The following ARHGEF18 variants were observed in gnomAD, a reference collection of about 807,000 sequenced individuals.
The protein encoded by ARHGEF18 is Rho/Rac guanine nucleotide exchange factor 18, also known as rho guanine nucleotide exchange factor 18.
A neutral mutation model predicts 155.7 loss-of-function variants in ARHGEF18; 93 were observed. The observed-to-expected ratio is 0.60, with a 90% CI of 0.50 to 0.71. The LOEUF (loss-of-function observed/expected upper bound fraction) is 0.71, where lower values mean the gene tolerates loss of function less well. Among genes scored for constraint, ARHGEF18 ranks in the 30% least tolerant of loss-of-function variants. ARHGEF18 has a pLI of 0.00. For missense variants in ARHGEF18, 1,593 were observed against 1,816.1 expected (o/e 0.88, Z 2.23); for synonymous variants, 742 against 753.1 (o/e 0.99, Z 0.24).
chr19:7,450,348 T>G (rs150820806), intron 15 of ARHGEF18, among the ~76,000 whole-genome samples: 214 of 2,768 alleles, frequency 0.077, no homozygotes, highest in South Asian at 0.1. Flanking sequence ...TCCAAGATGT[T>G]AATGCGGGAT....
intron 10 of ARHGEF18, among the ~76,000 whole-genome samples, chr19:7,423,466 G>A (rs898032984): frequency 2.6e-5 from 4 of 152,226 alleles, no homozygotes; most frequent in South Asian, 2.1e-4. Context: ...TTGGGAGGCC[G>A]AGGCGAGCGG....
In ARHGEF18 at chr19:7,463,404, A is replaced by G. The variant is rs577604564; in HGVS notation, c.2636-414A>G. Reference sequence around the variant, plus strand: ...TTTCTGTAGACAGCCCTTCCCCACAAAGTCACTCTCCCATATGGCCATTGT... The same window carrying G: ...TTTCTGTAGACAGCCCTTCCCCACAGAGTCACTCTCCCATATGGCCATTGT... On this transcript the variant is annotated intron_variant, in intron 21 of 28. Transcript: ENST00000668164. The surrounding 1 kb of genome is among the most constrained non-coding windows in gnomAD (Gnocchi z 5.2). Among the ~76,000 whole-genome samples, 21 of 152,266 alleles carry G rather than the reference A, an allele frequency of 1.4e-4. No homozygotes were observed. Among genetic ancestry groups the G allele is most frequent in the African/African-American group, 4.6e-4 (19 of 41,544 alleles).
At chr19:7,375,515 A>AG (rs1255628441) in intron 3 of ARHGEF18, among the ~76,000 whole-genome samples, 1 of 152,188 alleles carries the variant, frequency 6.6e-6, no homozygotes, top group African/African-American at 2.4e-5. Flanking sequence ...CAACAAATCT[A>AG]ACCAGGCTGG....
rs765202457 is a variant in ARHGEF18 at position 7,458,634 on chromosome 19, G to C, written c.2304G>C (p.Thr768=). 12 of 1,614,128 alleles carry C rather than the reference G, an allele frequency of 7.4e-6. No individual in the cohort carries two copies. The East Asian group carries it at 2.7e-4, about 36-fold the overall frequency. Residue 768 remains threonine (T), a synonymous_variant, in exon 19 of 29, where the codon ACG becomes ACC. Transcript: ENST00000668164. ...LQGPEMYEIY[T]SSKEDRNAWM... Reference sequence around the variant, plus strand: ...GGCCGGAGATGTATGAAATCTACACGAGCTCCAAAGAGGACAGGAACGCCT... The same window carrying C: ...GGCCGGAGATGTATGAAATCTACACCAGCTCCAAAGAGGACAGGAACGCCT...
At chr19:7,396,118 A>T (rs1010555290) in intron 10 of ARHGEF18, among the ~76,000 whole-genome samples, 5 of 152,112 alleles carry the variant, frequency 3.3e-5, no homozygotes. Context: ...TCCTGCGTTA[A>T]TTCTACTAGC....
At chr19:7,474,038 TA>T (rs201547571), downstream of ARHGEF18, among the ~76,000 whole-genome samples, 12 of 144,310 alleles carry the variant, frequency 8.3e-5, no homozygotes, top group East Asian at 2.0e-4. Context: ...AAATGAAATT[TA>T]AAAAAAAAAG....
At chr19:7,431,431 C>T (rs1973954561) in intron 10 of ARHGEF18, among the ~76,000 whole-genome samples, 1 of 143,038 alleles carries the variant, frequency 7.0e-6, no homozygotes, top group South Asian at 2.3e-4. Context: ...GCAGGGGAAT[C>T]GCTTGGGAGG....
intron 7 of ARHGEF18, among the ~76,000 whole-genome samples, chr19:7,380,514 G>C (rs896920705): frequency 2.0e-5 from 3 of 149,514 alleles, no homozygotes; most frequent in African/African-American, 7.4e-5. Context: ...TTAAGTACTT[G>C]GTTAAAAAAA....
At chr19:7,355,614 C>T in intron 1 of ARHGEF18, 3 of 985,452 alleles carry the variant, frequency 3.0e-6, no homozygotes, top group Non-Finnish European at 3.6e-6. Context: ...CTCTCACACG[C>T]ACGCATGGCC....
At chr19:7,479,095 G>A in the ARHGEF18 span, among the ~76,000 whole-genome samples, 1 of 152,208 alleles carries the variant, frequency 6.6e-6, no homozygotes, top group Non-Finnish European at 1.5e-5. Context: ...TACCCAGGGT[G>A]CAGGATGCAG....
rs779670532 is a variant in ARHGEF18 at position 7,459,968 on chromosome 19, G to A, written c.2426G>A (p.Arg809His). 1.6e-5 allele frequency: 26 copies of A among 1,587,168 alleles called. No homozygotes were observed. Among genetic ancestry groups the A allele is most frequent in the East Asian group, 1.4e-4 (6 of 43,534 alleles). Reference sequence around the variant, plus strand: ...GAGGAAAGGAAGGTGGTCGAGGCCCGCGCCACGAGACTCCGGGACTTTCAA... The same window carrying A: ...GAGGAAAGGAAGGTGGTCGAGGCCCACGCCACGAGACTCCGGGACTTTCAA... Reference protein sequence around the residue: ...PEEERKVVEARATRLRDFQER... With the variant: ...PEEERKVVEAHATRLRDFQER... Residue 809 changes from arginine (R) to histidine (H), a missense_variant, in exon 20 of 29, where the codon CGC (arginine) becomes CAC (histidine). By Grantham distance (29) the Arg-to-His change is conservative. Transcript: ENST00000668164.
At chr19:7,469,216 G>C (rs1227812115) in intron 27 of ARHGEF18, 85 bp downstream of exon 27, 1 of 1,426,968 alleles carries the variant, frequency 7.0e-7, no homozygotes, top group Non-Finnish European at 9.3e-7. Flanking sequence ...GGAAATTCGG[G>C]ACACCTGTGC....
intron 10 of ARHGEF18, 132 bp downstream of exon 10, chr19:7,383,335 C>T (rs118125850): frequency 0.032 from 33,469 of 1,047,124 alleles, 648 homozygotes; most frequent in South Asian, 0.077. Context: ...CTCGGCGGCT[C>T]CCTGGAGAGA....
chr19:7,441,797 A>C, intron 12 of ARHGEF18, 32 bp downstream of exon 12: 1 of 1,613,706 alleles, frequency 6.2e-7, no homozygotes, highest in Non-Finnish European at 8.5e-7. Flanking sequence ...CGCGGCTGCC[A>C]CACAGTTCCT....
chr19:7,439,021 A>G (rs1343929461), intron 10 of ARHGEF18, among the ~76,000 whole-genome samples: 1 of 151,932 alleles, frequency 6.6e-6, no homozygotes, highest in Non-Finnish European at 1.5e-5. Context: ...ACAGGCATCC[A>G]CCACCACGCC....
At chr19:7,432,597 T>C (rs1238391308) in intron 10 of ARHGEF18, among the ~76,000 whole-genome samples, 1 of 152,122 alleles carries the variant, frequency 6.6e-6, no homozygotes, top group African/African-American at 2.4e-5. Context: ...TGCCTCAGCC[T>C]CCCAAAGTAC....
Position 7,375,313 on chromosome 19 carries a change from AAAAG to A in ARHGEF18, c.276-391_276-388del, listed in dbSNP as rs796255077. 9.9e-3 allele frequency among the ~76,000 whole-genome samples: 1,460 copies of A among 147,880 alleles called. 34 individuals carry two copies. The highest frequency in any genetic ancestry group is 0.033 in the African/African-American group (1,331 of 39,992). On this transcript the variant is annotated intron_variant, in intron 3 of 28. Coordinates refer to ENST00000668164, the MANE Select transcript of ARHGEF18 (RefSeq NM_001367823.1). ...AGAAAAGAAAGAAAGAAAAGAAAGA[AAAAG>A]AAAGAAAGAAAGAAAAGGAAGAAAG...
At chr19:7,445,795 G>C (rs1974955995) in intron 14 of ARHGEF18, among the ~76,000 whole-genome samples, 1 of 151,672 alleles carries the variant, frequency 6.6e-6, no homozygotes, top group Non-Finnish European at 1.5e-5. Context: ...AATTTTTTTT[G>C]TATTTTTAGT....
At chr19:7,475,309 G>A (rs1489455518), downstream of ARHGEF18, among the ~76,000 whole-genome samples, 1 of 152,176 alleles carries the variant, frequency 6.6e-6, no homozygotes, top group South Asian at 2.1e-4. Flanking sequence ...CACTGGACCA[G>A]AATGGGCAAC....
Sources: gnomAD v4.1 joint callset for allele counts (sites outside exome capture counted in the v4.1 genomes callset) on GRCh38, gnomAD v4.1.1 for gene constraint, Gnocchi (gnomAD v3.1) non-coding constraint, MANE v1.5 for transcripts, NCBI Gene and HGNC (gene_info 2026-07-23, HGNC 2026-07-21) for gene names.